CAMTA1: variants seen among roughly 807,000 people sequenced by gnomAD.
CAMTA1 encodes the protein calmodulin binding transcription activator 1.
A neutral mutation model predicts 170.9 loss-of-function variants in CAMTA1; 27 were observed. That is an observed-to-expected ratio of 0.16 (90% CI 0.12 to 0.22). The LOEUF (loss-of-function observed/expected upper bound fraction) is 0.22. Ranked by LOEUF, CAMTA1 falls within the 10% of genes least tolerant of loss-of-function variation. CAMTA1 has a pLI of 1.00. For synonymous variants in CAMTA1, 833 were observed against 891.5 expected, an observed-to-expected ratio of 0.93 and a Z score of 1.17; for missense variants, 1,619 against 2,217.2, an observed-to-expected ratio of 0.73 and a Z score of 5.42.
chr1:6,911,769 C>T (rs753497905), intron 3 of CAMTA1, among the ~76,000 whole-genome samples: 24 of 152,206 alleles, frequency 1.6e-4, no homozygotes, highest in Non-Finnish European at 3.4e-4. Flanking sequence ...TCTTGTGGAA[C>T]CTAAATTAAC....
At chr1:7,397,676 A>G (rs2089440801) in intron 5 of CAMTA1, among the ~76,000 whole-genome samples, 1 of 152,072 alleles carries the variant, frequency 6.6e-6, no homozygotes, top group East Asian at 1.9e-4. Flanking sequence ...CTTGTATTCC[A>G]TAGGTTGTGG....
intron 5 of CAMTA1, among the ~76,000 whole-genome samples, chr1:7,423,540 C>G (rs1193213586): frequency 1.3e-5 from 2 of 151,902 alleles, no homozygotes; most frequent in African/African-American, 2.4e-5. Flanking sequence ...CAGCCTCCCC[C>G]CGCCGGGTGT....
At chr1:7,320,205 C>T (rs1187504424) in intron 5 of CAMTA1, among the ~76,000 whole-genome samples, 1 of 152,132 alleles carries the variant, frequency 6.6e-6, no homozygotes, top group Non-Finnish European at 1.5e-5. Flanking sequence ...GGAAAACTTT[C>T]AATAATTCAC....
rs1293964461 is a variant in CAMTA1, at chr1:7,316,695, C to A, written c.438+67069C>A. ...AATGAAAGGCCTGGCCTTTTGTTTTCAGGGAGTTCACAATCTGGGGAGGAG... is the reference window on the plus strand; with the variant it reads ...AATGAAAGGCCTGGCCTTTTGTTTTAAGGGAGTTCACAATCTGGGGAGGAG... On this transcript the variant is annotated intron_variant, in intron 5 of 22. Transcript: ENST00000303635. Among the ~76,000 whole-genome samples, 3 of 152,140 alleles carry A rather than the reference C, an allele frequency of 2.0e-5. No homozygotes were observed. The East Asian group carries it at 5.8e-4, about 29-fold the overall frequency.
intron 5 of CAMTA1, among the ~76,000 whole-genome samples, chr1:7,352,040 G>A (rs963293733): frequency 1.3e-5 from 2 of 151,724 alleles, no homozygotes; most frequent in Non-Finnish European, 2.9e-5. Flanking sequence ...CCAGGTCCAG[G>A]ATGGCCCAGA....
intron 3 of CAMTA1, among the ~76,000 whole-genome samples, chr1:6,877,239 T>G (rs929766469): frequency 6.6e-6 from 1 of 152,190 alleles, no homozygotes; most frequent in Non-Finnish European, 1.5e-5. Flanking sequence ...TAGGGCAGTT[T>G]TGAGGGCAAG....
chr1:7,654,347 T>C (rs2095865656), intron 7 of CAMTA1, among the ~76,000 whole-genome samples: 1 of 151,870 alleles, frequency 6.6e-6, no homozygotes, highest in African/African-American at 2.4e-5. Flanking sequence ...ACCACTGCAC[T>C]CCAGCCTGGG....
At chr1:7,560,668 C>T (rs72643923) in intron 6 of CAMTA1, among the ~76,000 whole-genome samples, 6,368 of 152,002 alleles carry the variant, frequency 0.042, 159 homozygotes, top group East Asian at 0.066. Context: ...TTGAGGTCAC[C>T]GCGGCCGGTG....
At chr1:7,594,234 G>GAAGA (rs2095380028) in intron 6 of CAMTA1, among the ~76,000 whole-genome samples, 1 of 150,492 alleles carries the variant, frequency 6.6e-6, no homozygotes, top group Non-Finnish European at 1.5e-5. Flanking sequence ...AGGAAGGAAG[G>GAAGA]AAGGAAGAAA....
chr1:7,203,706 T>C (rs1438171610), intron 4 of CAMTA1, among the ~76,000 whole-genome samples: 1 of 151,966 alleles, frequency 6.6e-6, no homozygotes, highest in Non-Finnish European at 1.5e-5. Flanking sequence ...ATACTGTCCC[T>C]GTTCTCATTT....
At position 6,972,956 on chromosome 1, in the gene CAMTA1, A is replaced by G. The variant is rs565336167; in HGVS notation, c.235-118348A>G. 4.6e-5 allele frequency among the ~76,000 whole-genome samples: 7 copies of G among 151,926 alleles called. No individual in the cohort carries two copies. The South Asian group carries it at 1.5e-3, about 32-fold the overall frequency. ...AACCCCCGCCTCCCAGGTTCAAGTG[A>G]TTCTCCTGCCTCAGCCTCCCAAGTA... On this transcript the variant is annotated intron_variant, in intron 3 of 22. Coordinates refer to ENST00000303635, the MANE Select transcript of CAMTA1 (RefSeq NM_015215.4).
At chr1:7,714,954 A>G (rs1186973831) in intron 11 of CAMTA1, among the ~76,000 whole-genome samples, 1 of 152,192 alleles carries the variant, frequency 6.6e-6, no homozygotes, top group Non-Finnish European at 1.5e-5. Flanking sequence ...TTTGTTTGCT[A>G]CGTTCAGCCC....
chr1:7,184,684 C>G (rs1476775100), intron 4 of CAMTA1, among the ~76,000 whole-genome samples: 1 of 152,106 alleles, frequency 6.6e-6, no homozygotes, highest in Non-Finnish European at 1.5e-5. Context: ...AGACAGGAGA[C>G]AGAAAGTTAG....
chr1:6,882,710 G>A (rs1306506743), intron 3 of CAMTA1, among the ~76,000 whole-genome samples: 4 of 152,070 alleles, frequency 2.6e-5, no homozygotes, highest in Non-Finnish European at 4.4e-5. Flanking sequence ...GCTGGAGCTA[G>A]ATTTTGAGTG....
intron 5 of CAMTA1, among the ~76,000 whole-genome samples, chr1:7,266,705 T>C (rs1202127759): frequency 2.0e-5 from 3 of 152,184 alleles, no homozygotes; most frequent in Non-Finnish European, 4.4e-5. Flanking sequence ...CACTGGCCCT[T>C]GGTGACGGAG....
intron 5 of CAMTA1, among the ~76,000 whole-genome samples, chr1:7,439,316 C>T (rs981339697): frequency 5.3e-5 from 8 of 152,162 alleles, no homozygotes; most frequent in Non-Finnish European, 7.4e-5. Flanking sequence ...TCGTTGGCTG[C>T]GACTCTGATG....
At chr1:6,789,442 T>G (rs944607932) in intron 1 of CAMTA1, among the ~76,000 whole-genome samples, 1 of 152,202 alleles carries the variant, frequency 6.6e-6, no homozygotes, top group Non-Finnish European at 1.5e-5. Flanking sequence ...AATCTTAACG[T>G]TTTTTTCCCC....
chr1:7,101,044 G>A (rs921240255), intron 4 of CAMTA1, among the ~76,000 whole-genome samples: 2 of 152,170 alleles, frequency 1.3e-5, no homozygotes, highest in African/African-American at 4.8e-5. Flanking sequence ...GAATACTTCC[G>A]AGAATGGAAA....
rs945033441 is a variant in CAMTA1 at position 7,565,228 on chromosome 1, G to T, written c.511-75172G>T. Among the ~76,000 whole-genome samples, 10 of 152,170 alleles carry T rather than the reference G, an allele frequency of 6.6e-5. No homozygotes were observed. The highest frequency in any genetic ancestry group is 6.5e-4 in the Admixed American group (10 of 15,284). ...CTCCATCTGTCCCTCCTCATTCCCC[G>T]GAGAAGCACCCAGAGAGATGTAGCT... On this transcript the variant is annotated intron_variant, in intron 6 of 22. Transcript: ENST00000303635. The surrounding 1 kb of genome is among the most constrained non-coding windows in gnomAD (Gnocchi z 4.5).
Sources: gnomAD v4.1 joint callset for allele counts (sites outside exome capture counted in the v4.1 genomes callset) on GRCh38, gnomAD v4.1.1 for gene constraint, Gnocchi (gnomAD v3.1) non-coding constraint, MANE v1.5 for transcripts, NCBI Gene and HGNC (gene_info 2026-07-23, HGNC 2026-07-21) for gene names.